ERVH48-1: variants seen among roughly 807,000 people sequenced by gnomAD.
The protein encoded by ERVH48-1 is endogenous retrovirus group 48 member 1, envelope, also known as suppressyn.
A neutral mutation model predicts 2.4 loss-of-function variants in ERVH48-1; 4 were observed. The ratio of observed to expected loss-of-function variants is 1.68; its 90% CI spans 0.83 to 3.84. The LOEUF is 3.84. Among genes scored for constraint, ERVH48-1 ranks in the 30% most tolerant of loss-of-function variants. The pLI is 0.01. For missense variants in ERVH48-1, 97 were observed against 43.4 expected (o/e 2.23, Z -3.47); for synonymous variants, 32 against 15.5 (o/e 2.06, Z -2.49).
intron 1 of ERVH48-1, among the ~76,000 whole-genome samples, chr21:42,921,581 A>C (rs2058805991): frequency 6.6e-6 from 1 of 152,012 alleles, no homozygotes; most frequent in African/African-American, 2.4e-5. Context: ...GAGAGATAGT[A>C]TGGGCATTGC....
rs1391563058 is a variant in ERVH48-1 at position 42,916,835 on chromosome 21, A to G, written c.*1689T>C. 2.2e-5 allele frequency: 4 copies of G among 184,162 alleles called. No individual in the cohort carries two copies. The highest frequency in any genetic ancestry group is 4.4e-5 in the Non-Finnish European group (4 of 91,454). The allele number at this position is 184,162 out of a possible 1,614,324, so 11.4% of individuals were successfully genotyped here. On this transcript the variant is annotated 3_prime_UTR_variant, in exon 2 of 2. Transcript: ENST00000447535. ...ACATGCTGTTTTAATGAGCGCCTGC[A>G]TGCAGACAGGCTGAGGCCTAAAATG... is the stretch of plus-strand genomic sequence containing the variant.
intron 1 of ERVH48-1, among the ~76,000 whole-genome samples, chr21:42,923,353 A>C (rs2058812622): frequency 6.6e-6 from 1 of 152,164 alleles, no homozygotes; most frequent in South Asian, 2.1e-4. Context: ...CAATTATTAA[A>C]GGCTTTGAGG....
rs2146176314 is a variant in ERVH48-1, at chr21:42,917,964, A to G, written c.*560T>C. 6.6e-6 allele frequency: 1 copy of G among 152,574 alleles called. No individual in the cohort carries two copies. Among genetic ancestry groups the G allele is most frequent in the East Asian group, 1.9e-4 (1 of 5,186 alleles). The allele number at this position is 152,574 out of a possible 1,614,324, so 9.5% of individuals were successfully genotyped here. On this transcript the variant is annotated 3_prime_UTR_variant, in exon 2 of 2. Transcript: ENST00000447535. ...CTAGGAAGCAAGTACCTTGCCAGTG[A>G]TAAGGTAGCTGTGAGTAAGCCTGGG...
At position 42,925,065 on chromosome 21, in the gene ERVH48-1, CCT is replaced by C. The variant is rs769675370; in HGVS notation, c.-286+279_-286+280del. Reference sequence around the variant, plus strand: ...GGTTCAAGCGATCCTCCTGCCTCAGCCTCCCGAGTAGCTGGGATTACAGGGGC... The same window carrying C: ...GGTTCAAGCGATCCTCCTGCCTCAGCCCCGAGTAGCTGGGATTACAGGGGC... On this transcript the variant is annotated intron_variant, in intron 1 of 1. Coordinates refer to ENST00000447535, the MANE Select transcript of ERVH48-1 (RefSeq NM_001308491.2). 1.6e-4 allele frequency among the ~76,000 whole-genome samples: 24 copies of C among 152,134 alleles called. No homozygotes were observed. The East Asian group carries it at 4.6e-3, about 29-fold the overall frequency.
chr21:42,922,665 G>A (rs144180474), intron 1 of ERVH48-1, among the ~76,000 whole-genome samples: 1,978 of 149,634 alleles, frequency 0.013, 41 homozygotes, highest in African/African-American at 0.044. Context: ...GCGTGAACCC[G>A]GGAGGCGGAG....
rs1322748531 is a variant in ERVH48-1, at chr21:42,919,172, A to G, written c.-166T>C. 1 of 803,482 alleles carries G rather than the reference A, an allele frequency of 1.2e-6. No homozygotes were observed. Among genetic ancestry groups the G allele is most frequent in the African/African-American group, 1.8e-5 (1 of 54,900 alleles). 49.8% of individuals were successfully genotyped at this position (803,482 alleles called of 1,614,324 possible). A position where few individuals can be genotyped will look rare whatever the true frequency, so the allele number is the denominator to read the frequency against. On this transcript the variant is annotated 5_prime_UTR_variant, in exon 2 of 2. Transcript: ENST00000447535. ...AGCTTGACCCTGGTGCGATGGATCC[A>G]GTTGGGGAGTCCTCGGACTCTCACT...
In ERVH48-1 at chr21:42,925,401, G is replaced by C. The variant is rs376968425; in HGVS notation, c.-341C>G. The C allele has an allele frequency of 8.1e-6, 4 of 491,926 alleles. No homozygotes were observed. In the East Asian group the frequency reaches 2.4e-4, roughly 30 times the overall value. 30.5% of individuals were successfully genotyped at this position (491,926 alleles called of 1,614,324 possible). ...GCACAGAGAGGCGACTAGAGGCTGA[G>C]GAGCTTCCTTTGTCCGGCTGCTGTG... is the stretch of plus-strand genomic sequence containing the variant. On this transcript the variant is annotated 5_prime_UTR_variant, in exon 1 of 2. Transcript: ENST00000447535.
In ERVH48-1 at chr21:42,919,022, G is replaced by C. The variant is rs772016902; in HGVS notation, c.-16C>G. 2.4e-6 allele frequency: 3 copies of C among 1,234,424 alleles called. No individual in the cohort carries two copies. Among genetic ancestry groups the C allele is most frequent in the Non-Finnish European group, 3.2e-6 (3 of 951,148 alleles). The allele number at this position is 1,234,424 out of a possible 1,614,324, so 76.5% of individuals were successfully genotyped here. A position where few individuals can be genotyped will look rare whatever the true frequency, so the allele number is the denominator to read the frequency against. On this transcript the variant is annotated 5_prime_UTR_variant, in exon 2 of 2. Coordinates refer to ENST00000447535, the MANE Select transcript of ERVH48-1 (RefSeq NM_001308491.2). ...TACAGGCCATTCCTGGAAGCACGTGGTTAGTCTTCCTTGTGTTTTGGTTTT... is the reference window on the plus strand; with the variant it reads ...TACAGGCCATTCCTGGAAGCACGTGCTTAGTCTTCCTTGTGTTTTGGTTTT...
chr21:42,921,053 C>T (rs1394300074), intron 1 of ERVH48-1, among the ~76,000 whole-genome samples: 3 of 152,098 alleles, frequency 2.0e-5, no homozygotes, highest in Non-Finnish European at 4.4e-5. Flanking sequence ...GCAGCTGCCA[C>T]CAGTGCTTGG....
At chr21:42,920,449 G>A (rs546594961) in intron 1 of ERVH48-1, among the ~76,000 whole-genome samples, 5 of 152,172 alleles carry the variant, frequency 3.3e-5, no homozygotes, top group Non-Finnish European at 7.3e-5. Flanking sequence ...GGAGCTTGCT[G>A]ATGAGAGCAT....
intron 1 of ERVH48-1, among the ~76,000 whole-genome samples, chr21:42,924,966 G>C (rs1218812402): frequency 7.0e-6 from 1 of 141,888 alleles, no homozygotes; most frequent in African/African-American, 2.7e-5. Flanking sequence ...TTTTTTTTGA[G>C]ACAGAGTCTT....
intron 1 of ERVH48-1, among the ~76,000 whole-genome samples, chr21:42,922,851 C>G (rs1044877423): frequency 6.6e-6 from 1 of 151,378 alleles, no homozygotes; most frequent in African/African-American, 2.4e-5. Context: ...TCAATTCCCA[C>G]AACAGAGACC....
chr21:42,919,800 G>A (rs539266751), intron 1 of ERVH48-1, among the ~76,000 whole-genome samples: 118 of 152,338 alleles, frequency 7.7e-4, no homozygotes, highest in African/African-American at 2.8e-3. Context: ...ACCTTCTGAA[G>A]TTGTTGGGAA....
chr21:42,919,030 T>C lies in ERVH48-1; in HGVS notation c.-24A>G, dbSNP rs2058797638. ...ATTCCTGGAAGCACGTGGTTAGTCT[T>C]CCTTGTGTTTTGGTTTTAAGAAAAA... On this transcript the variant is annotated 5_prime_UTR_variant, in exon 2 of 2. Transcript: ENST00000447535. 1 of 1,229,900 alleles carries C rather than the reference T, an allele frequency of 8.1e-7. No homozygotes were observed. Among genetic ancestry groups the C allele is most frequent in the Non-Finnish European group, 1.0e-6 (1 of 954,862 alleles). The allele number at this position is 1,229,900 out of a possible 1,614,324, so 76.2% of individuals were successfully genotyped here. A position where few individuals can be genotyped will look rare whatever the true frequency, so the allele number is the denominator to read the frequency against.
Position 42,919,203 on chromosome 21 carries a change from T to G in ERVH48-1, c.-197A>C. On this transcript the variant is annotated 5_prime_UTR_variant, in exon 2 of 2. Coordinates refer to ENST00000447535, the MANE Select transcript of ERVH48-1 (RefSeq NM_001308491.2). ...GGAGTCCTCGGACTCTCACTGCAGTTGGTGTGCTGAGTATCACAGTGTAGG... is the reference window on the plus strand; with the variant it reads ...GGAGTCCTCGGACTCTCACTGCAGTGGGTGTGCTGAGTATCACAGTGTAGG... 2 of 495,352 alleles carry G rather than the reference T, an allele frequency of 4.0e-6. No homozygotes were observed. Among genetic ancestry groups the G allele is most frequent in the Non-Finnish European group, 6.4e-6 (2 of 311,510 alleles). 30.7% of individuals were successfully genotyped at this position (495,352 alleles called of 1,614,324 possible).
chr21:42,918,244 G>A lies in ERVH48-1; in HGVS notation c.*280C>T, dbSNP rs545846145. The A allele has an allele frequency of 1.7e-5, 5 of 297,564 alleles. No individual in the cohort carries two copies. Among genetic ancestry groups the A allele is most frequent in the Admixed American group, 4.8e-5 (1 of 20,722 alleles). 18.4% of individuals were successfully genotyped at this position (297,564 alleles called of 1,614,324 possible). On this transcript the variant is annotated 3_prime_UTR_variant, in exon 2 of 2. Coordinates refer to ENST00000447535, the MANE Select transcript of ERVH48-1 (RefSeq NM_001308491.2). The stretch of plus-strand genomic sequence containing the variant: ...GGTTTGGTGACGGGTTTTCACCTAC[G>A]GCGCGATGGGTTTTATCAGTCCACT...
At chr21:42,924,948 ATTT>A (rs71332380) in intron 1 of ERVH48-1, among the ~76,000 whole-genome samples, 1 of 143,028 alleles carries the variant, frequency 7.0e-6, no homozygotes, top group Non-Finnish European at 1.5e-5. Flanking sequence ...ACACCTTAGC[ATTT>A]TTTTTTTTTT....
chr21:42,918,634 G>C lies in ERVH48-1; in HGVS notation c.373C>G (p.Leu125Val), dbSNP rs1340767404. 2.2e-6 allele frequency: 1 copy of C among 456,686 alleles called. No homozygotes were observed. Among genetic ancestry groups the C allele is most frequent in the African/African-American group, 2.0e-5 (1 of 50,196 alleles). The allele number at this position is 456,686 out of a possible 1,614,324, so 28.3% of individuals were successfully genotyped here. A position where few individuals can be genotyped will look rare whatever the true frequency, so the allele number is the denominator to read the frequency against. Residue 125 changes from leucine to valine, a missense_variant, in exon 2 of 2, where the codon CTT becomes GTT. Transcript: ENST00000447535. ...IGQWGVNTQV[L>V]EDIKREQIIA... ...ATCTGTTCTCTCTTTATGTCCTCAA[G>C]CACCTGAGTGTTTACTCCCCATTGT...
At chr21:42,922,694 T>G (rs1228089918) in intron 1 of ERVH48-1, among the ~76,000 whole-genome samples, 1 of 136,538 alleles carries the variant, frequency 7.3e-6, no homozygotes, top group Non-Finnish European at 1.5e-5. Context: ...GAGCGGAGAT[T>G]GCGCCACTGC....
Sources: allele counts gnomAD v4.1 joint callset (sites outside exome capture counted in the v4.1 genomes callset), GRCh38; gene constraint gnomAD v4.1.1; transcripts MANE v1.5; gene names NCBI Gene and HGNC (gene_info 2026-07-23, HGNC 2026-07-21).